Variants in POC1A observed in about 807,000 individuals in gnomAD.
POC1A encodes the protein POC1 centriolar protein A, also known as POC1 centriolar protein homolog A.
In POC1A, 34 loss-of-function variants were observed where a neutral mutation model predicts 47.8. That is an observed-to-expected ratio of 0.71 (90% CI 0.54 to 0.95). The LOEUF is 0.95. Ranked by LOEUF, POC1A falls within the 40% of genes least tolerant of loss-of-function variation. The probability of loss-of-function intolerance (pLI) is 0.00; values close to 1 mark genes in which losing one functional copy is unlikely to be tolerated. For missense variants in POC1A, 466 were observed against 528.3 expected, an observed-to-expected ratio of 0.88 and a Z score of 1.16; for synonymous variants, 177 against 207.6, an observed-to-expected ratio of 0.85 and a Z score of 1.27.
chr3:52,136,090 C>G (rs1704450822), intron 7 of POC1A, among the ~76,000 whole-genome samples: 1 of 151,902 alleles, frequency 6.6e-6, no homozygotes, highest in Admixed American at 6.5e-5. Context: ...TTGCAGAACC[C>G]TGAGCAAGCC....
At chr3:52,091,774 C>T (rs558251753) in intron 10 of POC1A, among the ~76,000 whole-genome samples, 3 of 152,288 alleles carry the variant, frequency 2.0e-5, no homozygotes, top group South Asian at 4.1e-4. Context: ...AGGAGAACAT[C>T]GACTCACTGC....
At position 52,151,108 on chromosome 3, in the gene POC1A, A is replaced by C; in HGVS notation, c.19-8T>G. On this transcript the variant is annotated splice_region_variant and splice_polypyrimidine_tract_variant and intron_variant, in intron 1 of 10. Transcript: ENST00000296484. ...TTCCAGCGAGGGGTCCTCCTGAGAG[A>C]GAGCCAGGGTCAAATGTGTGAAGCC... The C allele has an allele frequency of 6.2e-7, 1 of 1,613,476 alleles. No individual in the cohort carries two copies. Among genetic ancestry groups the C allele is most frequent in the Non-Finnish European group, 8.5e-7 (1 of 1,179,644 alleles).
chr3:52,076,622 A>G (rs1702123180), intron 10 of POC1A, among the ~76,000 whole-genome samples: 2 of 152,222 alleles, frequency 1.3e-5, no homozygotes. Context: ...GGCCATGACA[A>G]CTTCATCTCT....
intron 7 of POC1A, among the ~76,000 whole-genome samples, chr3:52,133,555 G>T (rs566031401): frequency 1.3e-5 from 2 of 152,176 alleles, no homozygotes; most frequent in South Asian, 4.2e-4. Context: ...CAGCACACAG[G>T]TCCAGCCCAG....
chr3:52,126,902 C>A (rs1180222699), intron 7 of POC1A, among the ~76,000 whole-genome samples: 1 of 152,220 alleles, frequency 6.6e-6, no homozygotes, highest in African/African-American at 2.4e-5. Context: ...CTCCCAACAA[C>A]CCACACTGGG....
intron 4 of POC1A, among the ~76,000 whole-genome samples, chr3:52,148,315 C>A (rs1397483888): frequency 6.6e-6 from 1 of 152,338 alleles, no homozygotes; most frequent in Admixed American, 6.5e-5. Context: ...TAAGAGCCAT[C>A]AGGGGTCTCC....
chr3:52,118,989 T>C (rs577123053), intron 9 of POC1A, among the ~76,000 whole-genome samples: 1 of 151,410 alleles, frequency 6.6e-6, no homozygotes, highest in South Asian at 2.1e-4. Context: ...ACCAAGTAGT[T>C]GCTAAAGGCA....
At position 52,149,826 on chromosome 3, in the gene POC1A, C is replaced by T; in HGVS notation, c.265G>A (p.Val89Ile). ...GSRDKTVRIW[V>I]PNVKGESTVF... ...AAGTGTACGACTCACACATTGGGTA[C>T]CCAGATGCGGACAGTCTTGTCTCGG... is the stretch of plus-strand genomic sequence containing the variant. The change falls in exon 3 of 11, where the codon GTA becomes ATA. Residue 89 changes from valine (V) to isoleucine (I), a missense_variant. By Grantham distance (29) the Val-to-Ile change is conservative. Coordinates refer to ENST00000296484, the MANE Select transcript of POC1A (RefSeq NM_015426.5). 3 of 1,613,310 alleles carry T rather than the reference C, an allele frequency of 1.9e-6. No homozygotes were observed. The highest frequency in any genetic ancestry group is 2.5e-6 in the Non-Finnish European group (3 of 1,179,708).
intron 1 of POC1A, 89 bp downstream of exon 1, chr3:52,154,266 G>T: frequency 7.3e-7 from 1 of 1,362,662 alleles, no homozygotes. Context: ...CGCCCCGCCC[G>T]CCCCTCGCAG....
At chr3:52,133,403 A>C (rs1444705287) in intron 7 of POC1A, among the ~76,000 whole-genome samples, 1 of 152,208 alleles carries the variant, frequency 6.6e-6, no homozygotes, top group Admixed American at 6.5e-5. Flanking sequence ...CACAGAACAG[A>C]CTAAGATAAC....
At chr3:52,135,827 C>A (rs1211384683) in intron 7 of POC1A, among the ~76,000 whole-genome samples, 2 of 152,208 alleles carry the variant, frequency 1.3e-5, no homozygotes, top group Non-Finnish European at 2.9e-5. Context: ...CTCAAGGCAG[C>A]AACCCCACAG....
chr3:52,096,354 G>A (rs1702812947), intron 10 of POC1A, among the ~76,000 whole-genome samples: 1 of 152,266 alleles, frequency 6.6e-6, no homozygotes, highest in Non-Finnish European at 1.5e-5. Flanking sequence ...CCAGCATTGG[G>A]GATTTTGGAG....
intron 9 of POC1A, among the ~76,000 whole-genome samples, chr3:52,101,790 A>G (rs763829871): frequency 1.8e-4 from 28 of 152,352 alleles, no homozygotes; most frequent in Non-Finnish European, 2.9e-4. Context: ...AAGAGAGAGA[A>G]ATTAGATATT....
chr3:52,115,669 C>T (rs1303860247), intron 9 of POC1A, among the ~76,000 whole-genome samples: 1 of 152,010 alleles, frequency 6.6e-6, no homozygotes, highest in Non-Finnish European at 1.5e-5. Flanking sequence ...GAAAGAGACC[C>T]CAGAGATCTA....
chr3:52,115,658 T>C (rs1408307761), intron 9 of POC1A, among the ~76,000 whole-genome samples: 1 of 152,126 alleles, frequency 6.6e-6, no homozygotes, highest in East Asian at 1.9e-4. Flanking sequence ...AGTGCCCTTA[T>C]GAAAGAGACC....
chr3:52,101,022 C>A (rs139059537), intron 9 of POC1A, among the ~76,000 whole-genome samples: 19 of 151,168 alleles, frequency 1.3e-4, no homozygotes, highest in African/African-American at 4.1e-4. Flanking sequence ...ACTTTTGAGA[C>A]CCAGGGAGAC....
chr3:52,111,320 T>C (rs1703371812), intron 9 of POC1A, among the ~76,000 whole-genome samples: 1 of 152,154 alleles, frequency 6.6e-6, no homozygotes, highest in Non-Finnish European at 1.5e-5. Context: ...TCAGGGCTTG[T>C]CTCTGCTCTT....
intron 7 of POC1A, among the ~76,000 whole-genome samples, chr3:52,135,314 A>ATG (rs1704408376): frequency 6.6e-6 from 1 of 152,208 alleles, no homozygotes; most frequent in Non-Finnish European, 1.5e-5. Context: ...TCTTAACCAA[A>ATG]TGCCCAAATT....
chr3:52,132,889 G>A (rs1428365553), intron 7 of POC1A, among the ~76,000 whole-genome samples: 2 of 151,786 alleles, frequency 1.3e-5, no homozygotes, highest in Non-Finnish European at 2.9e-5. Flanking sequence ...TACTAAAAAC[G>A]CAAAAAATTA....
Sources: gnomAD v4.1 joint callset for allele counts (sites outside exome capture counted in the v4.1 genomes callset) on GRCh38, gnomAD v4.1.1 for gene constraint, MANE v1.5 for transcripts, NCBI Gene and HGNC (gene_info 2026-07-23, HGNC 2026-07-21) for gene names.